The following GNG5 variants were observed in gnomAD, a reference collection of about 807,000 sequenced individuals.
GNG5 encodes the protein G protein subunit gamma 5, also known as guanine nucleotide-binding protein G(I)/G(S)/G(O) subunit gamma-5.
In GNG5, 2 loss-of-function variants were observed where a neutral mutation model predicts 6.2. The observed-to-expected ratio is 0.32, with a 90% CI of 0.13 to 1.01. GNG5 has a LOEUF of 1.01. GNG5 is among the 50% of genes least tolerant of loss of function. The pLI is 0.48. For missense variants in GNG5, 57 were observed against 80.2 expected (o/e 0.71, Z 1.10); for synonymous variants, 24 against 33.0 (o/e 0.73, Z 0.93).
intron 3 of GNG5, among the ~76,000 whole-genome samples, chr1:84,499,468 AACTTAATAGAGGT>A (rs900603006): frequency 3.3e-5 from 5 of 152,208 alleles, no homozygotes; most frequent in African/African-American, 1.2e-4. Flanking sequence ...TACTTCTAGA[AACTTAATAGAGGT>A]ACTAAGTATA....
Position 84,506,043 on chromosome 1 carries a change from G to A in GNG5, c.49C>T (p.Leu17Phe). The change falls in exon 2 of 4, where the codon CTC becomes TTC. Residue 17 changes from leucine (L) to phenylalanine (F), a missense_variant. Physicochemically the swap from Leu to Phe is conservative, Grantham distance 22. Transcript: ENST00000370645. ...VAAMKKVVQQ[L>F]RLEAGLNRVK... ...CGGTTGAGTCCGGCCTCCAGCCGGA[G>A]CTGTTGAACCACTTTCTTCATAGCG... is the stretch of plus-strand genomic sequence containing the variant. 1 of 1,575,468 alleles carries A rather than the reference G, an allele frequency of 6.3e-7. No homozygotes were observed. Among genetic ancestry groups the A allele is most frequent in the Non-Finnish European group, 8.6e-7 (1 of 1,163,136 alleles).
intron 2 of GNG5, among the ~76,000 whole-genome samples, chr1:84,505,530 G>A (rs564100766): frequency 6.6e-6 from 1 of 152,370 alleles, no homozygotes; most frequent in East Asian, 1.9e-4. Flanking sequence ...GAAGTTGAAG[G>A]TAAGAATTTA....
intron 3 of GNG5, among the ~76,000 whole-genome samples, chr1:84,498,964 T>G (rs753240194): frequency 1.3e-5 from 2 of 152,186 alleles, no homozygotes; most frequent in Non-Finnish European, 2.9e-5. Flanking sequence ...ACTGACTGTA[T>G]TAGTATTTTA....
At chr1:84,503,253 C>T (rs1330040943) in intron 2 of GNG5, among the ~76,000 whole-genome samples, 1 of 152,204 alleles carries the variant, frequency 6.6e-6, no homozygotes, top group Non-Finnish European at 1.5e-5. Flanking sequence ...CAGTCTTTAT[C>T]CGCAAGGAGG....
At chr1:84,501,425 A>G (rs1483654072) in intron 3 of GNG5, among the ~76,000 whole-genome samples, 2 of 152,214 alleles carry the variant, frequency 1.3e-5, no homozygotes, top group Non-Finnish European at 2.9e-5. Flanking sequence ...TAGTACTTTA[A>G]GTTATCCCCA....
At chr1:84,500,086 A>C (rs149547790) in intron 3 of GNG5, among the ~76,000 whole-genome samples, 3 of 152,212 alleles carry the variant, frequency 2.0e-5, no homozygotes, top group Admixed American at 1.3e-4. Flanking sequence ...ATTTATATAC[A>C]TAACTCCAAT....
Position 84,506,157 on chromosome 1 carries a change from G to A in GNG5, c.-66C>T. On this transcript the variant is annotated 5_prime_UTR_variant, in exon 2 of 4. Transcript: ENST00000370645. Reference sequence around the variant, plus strand: ...CGTGGGCCGTGGGTCGGCGGGGCCAGACAACTCAGCGGCGCGCGGCGGGGG... The same window carrying A: ...CGTGGGCCGTGGGTCGGCGGGGCCAAACAACTCAGCGGCGCGCGGCGGGGG... 1.4e-6 allele frequency: 2 copies of A among 1,384,324 alleles called. No individual in the cohort carries two copies. The highest frequency in any genetic ancestry group is 2.0e-6 in the Non-Finnish European group (2 of 1,014,310). 85.8% of individuals were successfully genotyped at this position (1,384,324 alleles called of 1,614,324 possible).
Position 84,498,493 on chromosome 1 carries a change from C to T in GNG5, c.*75G>A, listed in dbSNP as rs1681985500. 1 of 151,584 alleles carries T rather than the reference C, an allele frequency of 6.6e-6. No homozygotes were observed. The highest frequency in any genetic ancestry group is 2.1e-4 in the South Asian group (1 of 4,798). The allele number at this position is 151,584 out of a possible 1,614,324, so 9.4% of individuals were successfully genotyped here. On this transcript the variant is annotated 3_prime_UTR_variant, in exon 4 of 4. Coordinates refer to ENST00000370645, the MANE Select transcript of GNG5 (RefSeq NM_005274.3). ...TTACAGGGATAAGCTTTTGTACAGG[C>T]TTCAAATGTAGCTCTCTTGAATATT...
At chr1:84,501,730 G>A in intron 3 of GNG5, 96 bp downstream of exon 3, 1 of 712,874 alleles carries the variant, frequency 1.4e-6, no homozygotes, top group Non-Finnish European at 2.4e-6. Context: ...AGGGCCAAAG[G>A]AAAGGGCATG....
rs751359708 is a variant in GNG5, at chr1:84,501,907, G to A, written c.145C>T (p.Leu49=). The A allele has an allele frequency of 6.2e-7, 1 of 1,603,046 alleles. No individual in the cohort carries two copies. The highest frequency in any genetic ancestry group is 8.5e-7 in the Non-Finnish European group (1 of 1,169,974). ...TTTGTACTTGAAGATACTCCAGTCAGCAGAGGGTCATGTTGAGCATTCTGC... is the reference window on the plus strand; with the variant it reads ...TTTGTACTTGAAGATACTCCAGTCAACAGAGGGTCATGTTGAGCATTCTGC... ...CLQNAQHDPL[L]TGVSSSTNPF... is the part of the protein sequence containing the mutation. Residue 49 remains leucine (L), a synonymous_variant, in exon 3 of 4, where the codon CTG becomes TTG. Coordinates refer to ENST00000370645, the MANE Select transcript of GNG5 (RefSeq NM_005274.3).
intron 2 of GNG5, among the ~76,000 whole-genome samples, chr1:84,504,066 G>A (rs1386876079): frequency 2.6e-5 from 4 of 152,130 alleles, no homozygotes; most frequent in Non-Finnish European, 5.9e-5. Flanking sequence ...GCCTATTAGT[G>A]CCCCTTCTCA....
chr1:84,505,433 T>G (rs1682164183), intron 2 of GNG5, among the ~76,000 whole-genome samples: 1 of 152,174 alleles, frequency 6.6e-6, no homozygotes, highest in South Asian at 2.1e-4. Flanking sequence ...AACTTTACAC[T>G]CCAGGATCGT....
chr1:84,504,908 C>G (rs911585076), intron 2 of GNG5, among the ~76,000 whole-genome samples: 1 of 152,164 alleles, frequency 6.6e-6, no homozygotes, highest in Non-Finnish European at 1.5e-5. Context: ...ATTTCCCTTC[C>G]CTTCTGAGGT....
At position 84,506,258 on chromosome 1, in the gene GNG5, GC is replaced by G; in HGVS notation, c.-168del. 1 of 487,928 alleles carries G rather than the reference GC, an allele frequency of 2.0e-6. No homozygotes were observed. The highest frequency in any genetic ancestry group is 3.5e-6 in the Non-Finnish European group (1 of 287,158). 30.2% of individuals were successfully genotyped at this position (487,928 alleles called of 1,614,324 possible). ...CACCCTCGGTGCGCATGCGCGCCTT[GC>G]CAGCCCTCTGTTCCAGCTCCACACC... On this transcript the variant is annotated 5_prime_UTR_variant, in exon 2 of 4. Transcript: ENST00000370645.
intron 3 of GNG5, among the ~76,000 whole-genome samples, chr1:84,499,574 T>G (rs1682011394): frequency 6.6e-6 from 1 of 152,186 alleles, no homozygotes; most frequent in Non-Finnish European, 1.5e-5. Context: ...AATTCCATCA[T>G]AGTTTAGTAC....
Position 84,501,942 on chromosome 1 carries a change from T to C in GNG5, c.110A>G (p.Gln37Arg), listed in dbSNP as rs1558552004. ...ATGTTGAGCATTCTGCAGACAGAACTGTTTCAAGTCTGCAGCTGCCTGGGA... is the reference window on the plus strand; with the variant it reads ...ATGTTGAGCATTCTGCAGACAGAACCGTTTCAAGTCTGCAGCTGCCTGGGA... The part of the protein sequence containing the change: ...KVSQAAADLK[Q>R]FCLQNAQHDP... The change falls in exon 3 of 4, where the codon CAG becomes CGG. Residue 37 changes from glutamine (Q) to arginine (R), a missense_variant. Physicochemically the swap from Gln to Arg is conservative, Grantham distance 43. Transcript: ENST00000370645. 1.2e-6 allele frequency: 2 copies of C among 1,610,112 alleles called. No homozygotes were observed. The highest frequency in any genetic ancestry group is 1.7e-6 in the Non-Finnish European group (2 of 1,176,384).
chr1:84,506,125 G>T lies in GNG5; in HGVS notation c.-34C>A, dbSNP rs1419431324. 5.8e-6 allele frequency: 9 copies of T among 1,557,678 alleles called. No homozygotes were observed. The African/African-American group carries it at 1.3e-4, about 22-fold the overall frequency. On this transcript the variant is annotated 5_prime_UTR_variant, in exon 2 of 4. Coordinates refer to ENST00000370645, the MANE Select transcript of GNG5 (RefSeq NM_005274.3). ...CGACGGCCGGGCCGATTCGTGGGTC[G>T]GTGGGTCGTGGGCCGTGGGTCGGCG... is the stretch of plus-strand genomic sequence containing the variant.
rs573411241 is a variant in GNG5 at position 84,502,237 on chromosome 1, G to A, written c.82-267C>T. 2.2e-3 allele frequency among the ~76,000 whole-genome samples: 333 copies of A among 149,182 alleles called. 2 individuals are homozygous for A. Among genetic ancestry groups the A allele is most frequent in the African/African-American group, 7.9e-3 (319 of 40,336 alleles). ...CTGCAACCTCCGCCTCGGTTCAAGC[G>A]ATTCTCCTGCCTCAGCCTCCTGAGT... On this transcript the variant is annotated intron_variant, in intron 2 of 3. Coordinates refer to ENST00000370645, the MANE Select transcript of GNG5 (RefSeq NM_005274.3).
chr1:84,505,132 A>G (rs1473736109), intron 2 of GNG5, among the ~76,000 whole-genome samples: 1 of 152,190 alleles, frequency 6.6e-6, no homozygotes, highest in African/African-American at 2.4e-5. Context: ...AGCCTGACCT[A>G]TTGTACCAGA....
Sources: gnomAD v4.1 joint callset for allele counts (sites outside exome capture counted in the v4.1 genomes callset) on GRCh38, gnomAD v4.1.1 for gene constraint, MANE v1.5 for transcripts, NCBI Gene and HGNC (gene_info 2026-07-23, HGNC 2026-07-21) for gene names.